Variants in NEK5 observed in about 807,000 individuals in gnomAD.
The protein encoded by NEK5 is NIMA related kinase 5, also known as serine/threonine-protein kinase Nek5.
In NEK5, 88 loss-of-function variants were observed where a neutral mutation model predicts 109.2. The observed-to-expected ratio is 0.81, with a 90% CI of 0.68 to 0.96. The LOEUF is 0.96. NEK5 is among the 40% of genes least tolerant of loss of function. NEK5 has a pLI of 0.00. For missense variants in NEK5, 834 were observed against 920.7 expected, an observed-to-expected ratio of 0.91 and a Z score of 1.22; for synonymous variants, 283 against 299.9, an observed-to-expected ratio of 0.94 and a Z score of 0.58.
intron 21 of NEK5, among the ~76,000 whole-genome samples, chr13:52,064,358 G>A (rs1485571083): frequency 6.4e-5 from 9 of 139,770 alleles, no homozygotes; most frequent in African/African-American, 2.4e-4. Flanking sequence ...GAGGTGGGGG[G>A]GTCAGCCCCC....
intron 22 of NEK5, among the ~76,000 whole-genome samples, chr13:52,052,391 A>T (rs1954513662): frequency 6.6e-6 from 1 of 152,204 alleles, no homozygotes; most frequent in South Asian, 2.1e-4. Context: ...ATTGAAAGAC[A>T]GGTTTGAACA....
rs567142857 is a variant in NEK5, at chr13:52,127,373, A to G, written c.110T>C (p.Phe37Ser). ...SKHCVIKEIN[F>S]EKMPIQEKEA... The stretch of plus-strand genomic sequence containing the variant: ...ATTTGAACTTAACTTTACCTTTTCA[A>G]AATTGATCTCTTTTATGACACAGTG... The change falls in exon 3 of 24, where the codon TTT becomes TCT. Residue 37 changes from phenylalanine to serine, a missense_variant. Physicochemically the swap from Phe to Ser is radical, Grantham distance 155 (BLOSUM62 -2). Transcript: ENST00000684899. 12 of 1,561,804 alleles carry G rather than the reference A, an allele frequency of 7.7e-6. No homozygotes were observed. The South Asian group carries it at 1.3e-4, about 17-fold the overall frequency.
chr13:52,063,762 A>C (rs7997152), intron 21 of NEK5, among the ~76,000 whole-genome samples: 1 of 148,042 alleles, frequency 6.8e-6, no homozygotes, highest in Non-Finnish European at 1.5e-5. Context: ...CTGCCCGGCC[A>C]CCCCATCTGA....
At chr13:52,063,984 C>G (rs1312107000) in intron 21 of NEK5, among the ~76,000 whole-genome samples, 1 of 109,518 alleles carries the variant, frequency 9.1e-6, no homozygotes, top group Non-Finnish European at 2.1e-5. Context: ...GCCACCCCGT[C>G]CGGGAGGGAG....
intron 17 of NEK5, among the ~76,000 whole-genome samples, chr13:52,081,932 C>T (rs1276512274): frequency 6.6e-6 from 1 of 152,104 alleles, no homozygotes; most frequent in South Asian, 2.1e-4. Context: ...TTTATAATAC[C>T]TTGAGGATTT....
intron 4 of NEK5, among the ~76,000 whole-genome samples, chr13:52,113,836 G>A (rs1955801762): frequency 1.3e-5 from 2 of 152,140 alleles, no homozygotes; most frequent in African/African-American, 4.8e-5. Flanking sequence ...CACATTAATG[G>A]ATTGCTGTCC....
intron 22 of NEK5, among the ~76,000 whole-genome samples, chr13:52,053,524 C>T (rs1441161923): frequency 6.6e-6 from 1 of 152,074 alleles, no homozygotes; most frequent in African/African-American, 2.4e-5. Flanking sequence ...CCACCAAGCA[C>T]TCCCTTGCAT....
intron 16 of NEK5, among the ~76,000 whole-genome samples, chr13:52,084,202 C>T (rs1412644680): frequency 6.6e-6 from 1 of 152,164 alleles, no homozygotes; most frequent in Non-Finnish European, 1.5e-5. Flanking sequence ...AGTAGAACTG[C>T]ATATGCCAGA....
At position 52,080,892 on chromosome 13, in the gene NEK5, A is replaced by T. The variant is rs923967003; in HGVS notation, c.1572+2368T>A. Among the ~76,000 whole-genome samples the T allele has an allele frequency of 6.3e-4, 23 of 36,226 alleles. No homozygotes were observed. In the Admixed American group the frequency reaches 7.1e-3, roughly 11 times the overall value. 23.8% of individuals were successfully genotyped at this position (36,226 alleles called of 152,430 possible). On this transcript the variant is annotated intron_variant, in intron 17 of 23. Coordinates refer to ENST00000684899, the MANE Select transcript of NEK5 (RefSeq NM_001365552.1). ...GAAACACCCAAGAATGATCAATTAA[A>T]AAAAAAAAAAAAAATGGTTAGGGTG...
intron 23 of NEK5, among the ~76,000 whole-genome samples, chr13:52,047,211 C>T (rs1012337021): frequency 1.3e-5 from 2 of 151,598 alleles, no homozygotes; most frequent in Non-Finnish European, 2.9e-5. Flanking sequence ...GCTCTTTGAC[C>T]CAATACTTTT....
rs372542682 is a variant in NEK5 at position 52,088,324 on chromosome 13, G to A, written c.1276-870C>T. Among the ~76,000 whole-genome samples the A allele has an allele frequency of 4.0e-5, 6 of 151,424 alleles. No homozygotes were observed. The East Asian group carries it at 7.8e-4, about 20-fold the overall frequency. On this transcript the variant is annotated intron_variant, in intron 14 of 23. Coordinates refer to ENST00000684899, the MANE Select transcript of NEK5 (RefSeq NM_001365552.1). ...GGCTAGAGTGCAGTAGGGCGATCTC[G>A]GCTCACTGCAACCTCCTCCTCCTGG...
chr13:52,123,054 A>T (rs190409940), intron 3 of NEK5, among the ~76,000 whole-genome samples: 95 of 152,326 alleles, frequency 6.2e-4, no homozygotes, highest in African/African-American at 2.2e-3. Context: ...GATAAGAGAA[A>T]TATTAGCTTT....
At chr13:52,045,706 A>T (rs533510495) in intron 23 of NEK5, among the ~76,000 whole-genome samples, 212 of 141,634 alleles carry the variant, frequency 1.5e-3, no homozygotes, top group African/African-American at 4.8e-3. Flanking sequence ...TGGAGCTTGC[A>T]GTGAGCCAAG....
chr13:52,080,729 C>T (rs1954990765), intron 17 of NEK5, among the ~76,000 whole-genome samples: 1 of 152,024 alleles, frequency 6.6e-6, no homozygotes, highest in South Asian at 2.1e-4. Flanking sequence ...TCCCTAATCT[C>T]AAGTACCCAG....
At chr13:52,096,435 G>A (rs1006441741) in intron 12 of NEK5, among the ~76,000 whole-genome samples, 2 of 152,156 alleles carry the variant, frequency 1.3e-5, no homozygotes, top group African/African-American at 4.8e-5. Flanking sequence ...CCAGGCTAAG[G>A]AGGTCTCAGA....
chr13:52,080,153 C>T (rs1288169258), intron 17 of NEK5, among the ~76,000 whole-genome samples: 1 of 151,408 alleles, frequency 6.6e-6, no homozygotes, highest in East Asian at 2.0e-4. Context: ...GCAGCCACCC[C>T]GTCCAGGAGG....
intron 20 of NEK5, 93 bp downstream of exon 20, chr13:52,071,851 A>T: frequency 9.1e-7 from 1 of 1,094,140 alleles, no homozygotes; most frequent in Non-Finnish European, 1.4e-6. Flanking sequence ...GTCAAGTAAC[A>T]GTGGAGCCGA....
intron 17 of NEK5, among the ~76,000 whole-genome samples, chr13:52,082,017 A>G (rs1202614581): frequency 6.6e-6 from 1 of 152,246 alleles, no homozygotes; most frequent in Non-Finnish European, 1.5e-5. Flanking sequence ...CTCTAATTAT[A>G]AAGATAATAA....
chr13:52,087,208 C>G lies in NEK5; in HGVS notation c.1392+130G>C. 5.4e-6 allele frequency: 3 copies of G among 559,650 alleles called. No homozygotes were observed. In the South Asian group the frequency reaches 9.4e-5, roughly 18 times the overall value. The allele number at this position is 559,650 out of a possible 1,614,324, so 34.7% of individuals were successfully genotyped here. ...AGTGAAATACCTAACTCTGTATCCCCTATAACACTCAGCATGGTGTTGACA... is the reference window on the plus strand; with the variant it reads ...AGTGAAATACCTAACTCTGTATCCCGTATAACACTCAGCATGGTGTTGACA... On this transcript the variant is annotated intron_variant, in intron 15 of 23. Coordinates refer to ENST00000684899, the MANE Select transcript of NEK5 (RefSeq NM_001365552.1).
Sources: gnomAD v4.1 joint callset for allele counts (sites outside exome capture counted in the v4.1 genomes callset) on GRCh38, gnomAD v4.1.1 for gene constraint, MANE v1.5 for transcripts, NCBI Gene and HGNC (gene_info 2026-07-23, HGNC 2026-07-21) for gene names.